CTNNA3: variants seen among roughly 807,000 people sequenced by gnomAD.
The protein encoded by CTNNA3 is catenin alpha-3.
A neutral mutation model predicts 95.7 loss-of-function variants in CTNNA3; 76 were observed. The observed-to-expected ratio is 0.79, with a 90% CI of 0.66 to 0.96. The LOEUF is 0.96. CTNNA3 is among the 40% of genes least tolerant of loss of function. The pLI, the probability that CTNNA3 is intolerant of heterozygous loss-of-function variation, is 0.00. For synonymous variants in CTNNA3, 431 were observed against 374.4 expected, an observed-to-expected ratio of 1.15 and a Z score of -1.74; for missense variants, 1,191 against 1,089.8, an observed-to-expected ratio of 1.09 and a Z score of -1.31.
chr10:67,390,527 A>G, intron 5 of CTNNA3, among the ~76,000 whole-genome samples: 1 of 151,976 alleles, frequency 6.6e-6, no homozygotes, highest in Non-Finnish European at 1.5e-5. Flanking sequence ...TCAATAGAAA[A>G]AGAGGGAATC....
intron 5 of CTNNA3, among the ~76,000 whole-genome samples, chr10:67,400,182 A>G (rs1844867397): frequency 1.3e-5 from 2 of 151,940 alleles, no homozygotes; most frequent in African/African-American, 2.4e-5. Context: ...TCTTGAATAC[A>G]TATACCAAAA....
At chr10:67,555,915 T>C (rs2133241464) in intron 3 of CTNNA3, among the ~76,000 whole-genome samples, 1 of 152,326 alleles carries the variant, frequency 6.6e-6, no homozygotes, top group South Asian at 2.1e-4. Context: ...CTTATTATTT[T>C]GAGATATGTC....
chr10:66,496,372 G>A (rs1440346574), intron 11 of CTNNA3, among the ~76,000 whole-genome samples: 4 of 152,096 alleles, frequency 2.6e-5, no homozygotes, highest in Admixed American at 6.5e-5. Flanking sequence ...TACATAAAGT[G>A]TGACAATATA....
intron 7 of CTNNA3, among the ~76,000 whole-genome samples, chr10:67,165,199 C>T (rs1331637268): frequency 6.6e-6 from 1 of 152,082 alleles, no homozygotes; most frequent in East Asian, 1.9e-4. Flanking sequence ...TCAATATATC[C>T]AACTTGGATG....
chr10:66,693,568 C>G (rs981098236), intron 9 of CTNNA3, among the ~76,000 whole-genome samples: 13 of 151,748 alleles, frequency 8.6e-5, no homozygotes, highest in Non-Finnish European at 1.3e-4. Flanking sequence ...AGAAAGTTAA[C>G]AAGGATACCC....
Position 65,913,003 on chromosome 10 carries a change from A to G in CTNNA3, c.*7327T>C, listed in dbSNP as rs1620673. The G allele has an allele frequency of 0.8, 121,896 of 152,066 alleles. 49,106 individuals carry two copies. Among genetic ancestry groups the G allele is most frequent in the Middle Eastern group, 0.87 (256 of 294 alleles). The allele number at this position is 152,066 out of a possible 1,614,324, so 9.4% of individuals were successfully genotyped here. On this transcript the variant is annotated 3_prime_UTR_variant, in exon 18 of 18. Coordinates refer to ENST00000433211, the MANE Select transcript of CTNNA3 (RefSeq NM_013266.4). Reference sequence around the variant, plus strand: ...GCAGGGTGAAATGAACAAGCAAGATAGTCAGAAACACCTCAAACGCCACTA... The same window carrying G: ...GCAGGGTGAAATGAACAAGCAAGATGGTCAGAAACACCTCAAACGCCACTA...
chr10:67,301,340 A>G (rs1840259702), intron 5 of CTNNA3, among the ~76,000 whole-genome samples: 1 of 152,016 alleles, frequency 6.6e-6, no homozygotes, highest in African/African-American at 2.4e-5. Context: ...TTTTTATCAA[A>G]AAGATGGAAG....
intron 10 of CTNNA3, among the ~76,000 whole-genome samples, chr10:66,566,480 C>T (rs999406049): frequency 2.0e-5 from 3 of 152,202 alleles, no homozygotes; most frequent in Non-Finnish European, 4.4e-5. Context: ...GAAATAATCA[C>T]GTCTGAAGTA....
chr10:67,347,832 G>GAA (rs71006142), intron 5 of CTNNA3, among the ~76,000 whole-genome samples: 97,999 of 133,594 alleles, frequency 0.73, 38,141 homozygotes, highest in Non-Finnish European at 0.88. Flanking sequence ...GTGTTTTCCT[G>GAA]AAAAAAAAAA....
intron 7 of CTNNA3, among the ~76,000 whole-genome samples, chr10:67,171,842 G>A (rs927908101): frequency 2.6e-5 from 4 of 152,140 alleles, no homozygotes; most frequent in African/African-American, 9.7e-5. Flanking sequence ...AAGATGATAT[G>A]AGGGACTCAT....
chr10:67,111,967 C>T (rs142102823), intron 7 of CTNNA3, among the ~76,000 whole-genome samples: 38 of 152,128 alleles, frequency 2.5e-4, no homozygotes, highest in African/African-American at 7.7e-4. Flanking sequence ...GTACAAGTCA[C>T]TCTAGCACAG....
intron 17 of CTNNA3, among the ~76,000 whole-genome samples, chr10:65,952,827 A>G (rs2077646980): frequency 1.3e-5 from 2 of 152,090 alleles, no homozygotes; most frequent in Admixed American, 1.3e-4. Context: ...AGTCTTTCTG[A>G]TCTTTCCCCT....
intron 7 of CTNNA3, among the ~76,000 whole-genome samples, chr10:67,101,658 A>G (rs1277798831): frequency 1.3e-5 from 2 of 151,934 alleles, no homozygotes; most frequent in African/African-American, 2.4e-5. Flanking sequence ...AACATTCCCA[A>G]ATTTAACACT....
chr10:67,567,461 A>C (rs1051636504), intron 3 of CTNNA3, among the ~76,000 whole-genome samples: 1 of 152,060 alleles, frequency 6.6e-6, no homozygotes, highest in African/African-American at 2.4e-5. Flanking sequence ...AGCGGAGAGG[A>C]TAGTGAGAAA....
chr10:66,456,406 ACAGTC>A (rs1382692311), intron 11 of CTNNA3, among the ~76,000 whole-genome samples: 3 of 152,180 alleles, frequency 2.0e-5, no homozygotes. Flanking sequence ...TGGGGAAAAG[ACAGTC>A]TTTGCAACAA....
intron 12 of CTNNA3, among the ~76,000 whole-genome samples, chr10:66,331,356 T>G (rs1181390479): frequency 3.1e-5 from 4 of 127,484 alleles, no homozygotes; most frequent in African/African-American, 1.2e-4. Flanking sequence ...TTTTTTTTTT[T>G]TTTTTTTTTT....
At chr10:66,054,460 A>G (rs1427434381) in intron 15 of CTNNA3, among the ~76,000 whole-genome samples, 10 of 152,078 alleles carry the variant, frequency 6.6e-5, no homozygotes, top group Non-Finnish European at 1.5e-4. Context: ...TTTAATTTGC[A>G]TTTCTCTGAT....
intron 7 of CTNNA3, among the ~76,000 whole-genome samples, chr10:66,801,191 A>C (rs1018244155): frequency 2.6e-5 from 4 of 151,436 alleles, no homozygotes; most frequent in Non-Finnish European, 5.9e-5. Flanking sequence ...AGTACAAAGA[A>C]AAAATGTCTC....
intron 13 of CTNNA3, among the ~76,000 whole-genome samples, chr10:66,166,101 T>C (rs938185850): frequency 6.6e-6 from 1 of 152,056 alleles, no homozygotes; most frequent in Non-Finnish European, 1.5e-5. Flanking sequence ...TCACAGAAAT[T>C]ATCTCATTTG....
Sources: allele counts gnomAD v4.1 joint callset (sites outside exome capture counted in the v4.1 genomes callset), GRCh38; gene constraint gnomAD v4.1.1; transcripts MANE v1.5; gene names NCBI Gene and HGNC (gene_info 2026-07-23, HGNC 2026-07-21).